The following APBB2 variants were observed in gnomAD, a reference collection of about 807,000 sequenced individuals.
APBB2 encodes the protein Fe65-like 1.
In APBB2, 38 loss-of-function variants were observed where a neutral mutation model predicts 82.5. The ratio of observed to expected loss-of-function variants is 0.46; its 90% confidence interval spans 0.36 to 0.60. The LOEUF is 0.60. APBB2 is among the 20% of genes least tolerant of loss of function. The probability of loss-of-function intolerance (pLI) is 0.00; values close to 1 mark genes in which losing one functional copy is unlikely to be tolerated. For missense variants in APBB2, 772 were observed against 972.3 expected, an observed-to-expected ratio of 0.79 and a Z score of 2.74; for synonymous variants, 341 against 368.2, an observed-to-expected ratio of 0.93 and a Z score of 0.85.
rs1560912609 is a variant in APBB2 at position 41,159,940 on chromosome 4, G to GAGGAGGAGGAGA, written c.-416-16799_-416-16798insTCTCCTCCTCCT. The stretch of plus-strand genomic sequence containing the variant: ...GGAGGAGGAGGAGGAGGAGGAGGAG[G>GAGGAGGAGGAGA]AGGAGAAGGAGAAGGAGAAGGAGAA... On this transcript the variant is annotated intron_variant, in intron 1 of 17. Transcript: ENST00000508593. 7.5e-5 allele frequency among the ~76,000 whole-genome samples: 3 copies of GAGGAGGAGGAGA among 40,042 alleles called. 1 individual carries two copies. The highest frequency in any genetic ancestry group is 2.9e-4 in the African/African-American group (3 of 10,516). The allele number at this position is 40,042 out of a possible 152,430, so 26.3% of individuals were successfully genotyped here.
At chr4:41,159,147 G>C (rs925838857) in intron 1 of APBB2, among the ~76,000 whole-genome samples, 5 of 152,204 alleles carry the variant, frequency 3.3e-5, no homozygotes, top group Admixed American at 3.3e-4. Context: ...GAGGACTGTA[G>C]GGCAAGTCTC....
At chr4:41,182,149 G>C (rs1771592402) in intron 1 of APBB2, among the ~76,000 whole-genome samples, 1 of 152,082 alleles carries the variant, frequency 6.6e-6, no homozygotes, top group Non-Finnish European at 1.5e-5. Flanking sequence ...GGATAAACAA[G>C]GGAGAGACAG....
At chr4:41,038,337 G>C (rs1174345419) in intron 4 of APBB2, among the ~76,000 whole-genome samples, 1 of 152,128 alleles carries the variant, frequency 6.6e-6, no homozygotes, top group Non-Finnish European at 1.5e-5. Flanking sequence ...ATAAAAATCA[G>C]ACAAACAATT....
chr4:40,926,346 G>A (rs1294418194), intron 10 of APBB2, among the ~76,000 whole-genome samples: 2 of 152,226 alleles, frequency 1.3e-5, no homozygotes, highest in Non-Finnish European at 2.9e-5. Context: ...CACAAGTCTG[G>A]ATGAGGGTGA....
At chr4:41,193,491 C>T in intron 1 of APBB2, 3 of 856,204 alleles carry the variant, frequency 3.5e-6, no homozygotes, top group Non-Finnish European at 4.2e-6. Context: ...GGCACCAAAA[C>T]CTCAGTCCTA....
In APBB2 at chr4:40,815,797, ACTCTT is replaced by A. The variant is rs1318239606; in HGVS notation, c.*290_*294del. 66 of 303,620 alleles carry A rather than the reference ACTCTT, an allele frequency of 2.2e-4. No individual in the cohort carries two copies. Among genetic ancestry groups the A allele is most frequent in the Middle Eastern group, 1.0e-3 (1 of 988 alleles). The allele number at this position is 303,620 out of a possible 1,614,324, so 18.8% of individuals were successfully genotyped here. ...AGTTCACTAGGAGGGGTGGGGCCAC[ACTCTT>A]CTCTGTGTGTGTGTGAAGTTAAGTA... On this transcript the variant is annotated 3_prime_UTR_variant, in exon 18 of 18. Coordinates refer to ENST00000508593, the MANE Select transcript of APBB2 (RefSeq NM_004307.2).
chr4:40,893,492 C>G, intron 10 of APBB2, 81 bp from the exon 11 acceptor site: 1 of 1,336,052 alleles, frequency 7.5e-7, no homozygotes, highest in Non-Finnish European at 1.0e-6. Context: ...CCTCCCGCAA[C>G]TAAAAGGTAC....
chr4:41,177,351 G>A (rs966851265), intron 1 of APBB2, among the ~76,000 whole-genome samples: 8 of 152,156 alleles, frequency 5.3e-5, no homozygotes, highest in Admixed American at 5.2e-4. Flanking sequence ...GGGAAAAAAT[G>A]GGGAGCTATG....
At chr4:41,139,580 CA>C (rs1758515853) in intron 2 of APBB2, among the ~76,000 whole-genome samples, 1 of 152,116 alleles carries the variant, frequency 6.6e-6, no homozygotes, top group African/African-American at 2.4e-5. Context: ...GAATATTATT[CA>C]GTGCTTTAAA....
At chr4:41,062,276 A>G (rs1198517275) in intron 4 of APBB2, among the ~76,000 whole-genome samples, 1 of 151,984 alleles carries the variant, frequency 6.6e-6, no homozygotes, top group Non-Finnish European at 1.5e-5. Context: ...AGGTTCAAGC[A>G]ATTCTCCTGC....
At chr4:41,075,682 G>A (rs73248247) in intron 3 of APBB2, among the ~76,000 whole-genome samples, 4,567 of 152,260 alleles carry the variant, frequency 0.03, 98 homozygotes, top group Middle Eastern at 0.088. Context: ...TGTGATTATG[G>A]CTCCAGGCAA....
intron 12 of APBB2, among the ~76,000 whole-genome samples, chr4:40,877,914 G>T (rs918368609): frequency 1.3e-5 from 2 of 152,184 alleles, no homozygotes; most frequent in Non-Finnish European, 2.9e-5. Flanking sequence ...CAGGGCATGG[G>T]GCTCGTGAGC....
intron 10 of APBB2, among the ~76,000 whole-genome samples, chr4:40,914,479 G>A (rs1023723374): frequency 6.6e-6 from 1 of 152,236 alleles, no homozygotes; most frequent in Non-Finnish European, 1.5e-5. Flanking sequence ...TTGAACCCAG[G>A]AGGCGGGGGT....
chr4:40,819,189 CTTTTTTTTTTTT>C (rs1228766862), intron 17 of APBB2, among the ~76,000 whole-genome samples: 4 of 65,492 alleles, frequency 6.1e-5, no homozygotes, highest in Admixed American at 1.7e-4. Flanking sequence ...TTTTTTTTTT[CTTTTTTTTTTTT>C]TTGAGACAGG....
chr4:41,070,268 C>A (rs1342686754), intron 3 of APBB2, among the ~76,000 whole-genome samples: 1 of 152,106 alleles, frequency 6.6e-6, no homozygotes, highest in Non-Finnish European at 1.5e-5. Flanking sequence ...ATAAAAGAAG[C>A]CCTGAGGTAT....
intron 5 of APBB2, among the ~76,000 whole-genome samples, chr4:41,030,950 C>T (rs1390702984): frequency 2.6e-5 from 4 of 152,070 alleles, no homozygotes; most frequent in African/African-American, 7.2e-5. Context: ...TTTGGCAGGG[C>T]GTGGTGACTC....
intron 6 of APBB2, among the ~76,000 whole-genome samples, chr4:40,955,279 G>A (rs1053057093): frequency 1.3e-4 from 20 of 152,220 alleles, no homozygotes; most frequent in Admixed American, 1.2e-3. Context: ...ATTTCTGAAA[G>A]AGGGAACAGC....
chr4:40,881,906 A>C (rs1768736416), intron 12 of APBB2, among the ~76,000 whole-genome samples: 1 of 152,062 alleles, frequency 6.6e-6, no homozygotes, highest in Admixed American at 6.5e-5. Context: ...AATAATTTAG[A>C]AAGGAAGTCT....
chr4:41,168,055 G>A (rs1471990248), intron 1 of APBB2, among the ~76,000 whole-genome samples: 1 of 152,148 alleles, frequency 6.6e-6, no homozygotes, highest in Non-Finnish European at 1.5e-5. Context: ...CGGATCACGA[G>A]GTCAGGAGAT....
Sources: allele counts gnomAD v4.1 joint callset (sites outside exome capture counted in the v4.1 genomes callset), GRCh38; gene constraint gnomAD v4.1.1; transcripts MANE v1.5; gene names NCBI Gene and HGNC (gene_info 2026-07-23, HGNC 2026-07-21).